SHANK2: variants seen among roughly 807,000 people sequenced by gnomAD.
SHANK2 encodes SH3 and multiple ankyrin repeat domains protein 2.
SHANK2 carries 43 observed loss-of-function variants against 133.7 expected under a neutral mutation model. The observed-to-expected ratio is 0.32, with a 90% confidence interval of 0.25 to 0.41. The LOEUF (loss-of-function observed/expected upper bound fraction) is 0.41, where lower values mean the gene tolerates loss of function less well. SHANK2 is among the 10% of genes least tolerant of loss of function. The probability of loss-of-function intolerance (pLI) is 1.00; values close to 1 mark genes in which losing one functional copy is unlikely to be tolerated. For missense variants in SHANK2, 1,994 were observed against 2,235.8 expected, an observed-to-expected ratio of 0.89 and a Z score of 2.18; for synonymous variants, 1,017 against 952.8, an observed-to-expected ratio of 1.07 and a Z score of -1.24.
chr11:70,622,083 G>A (rs72946910), intron 17 of SHANK2, among the ~76,000 whole-genome samples: 27,893 of 152,136 alleles, frequency 0.18, 2,765 homozygotes, highest in South Asian at 0.33. Context: ...TGGGGCAAAG[G>A]GGTGTTTGCC....
At chr11:70,742,874 GT>G (rs1361627773) in intron 14 of SHANK2, among the ~76,000 whole-genome samples, 1 of 152,106 alleles carries the variant, frequency 6.6e-6, no homozygotes, top group East Asian at 1.9e-4. Context: ...TGGAAAGAAA[GT>G]TTGCCTTGGG....
rs60469266 is a variant in SHANK2 at position 70,919,921 on chromosome 11, A to G, written c.1108-23354T>C. 3.7e-3 allele frequency among the ~76,000 whole-genome samples: 571 copies of G among 152,322 alleles called. 3 individuals carry two copies. Among genetic ancestry groups the G allele is most frequent in the African/African-American group, 0.013 (531 of 41,582 alleles). ...TGGATGTCTTTTAAATAATCAATCA[A>G]GAGCAACCAACCCAAGCTTGGTAAC... is the stretch of plus-strand genomic sequence containing the variant. On this transcript the variant is annotated intron_variant, in intron 10 of 25. Transcript: ENST00000601538.
chr11:70,604,298 T>C (rs1305456237), intron 17 of SHANK2: 3 of 152,264 alleles, frequency 2.0e-5, no homozygotes, highest in Non-Finnish European at 4.4e-5. Context: ...TGGATGCCCG[T>C]GGGGGGCTAC....
Position 70,863,568 on chromosome 11 carries a change from T to TAACC in SHANK2, c.1174+32932_1174+32933insGGTT, listed in dbSNP as rs1949298554. On this transcript the variant is annotated intron_variant, in intron 11 of 25. Coordinates refer to ENST00000601538, the MANE Select transcript of SHANK2 (RefSeq NM_012309.5). ...ACTCTGGATCCCAGTGAAGGTACAA[T>TAACC]TTAGAGTCTAAAATAACTCAGGCTG... 6.6e-6 allele frequency: 3 copies of TAACC among 457,520 alleles called. No individual in the cohort carries two copies. In the Middle Eastern group the frequency reaches 9.7e-4, roughly 148 times the overall value. The allele number at this position is 457,520 out of a possible 1,614,324, so 28.3% of individuals were successfully genotyped here.
intron 11 of SHANK2, chr11:70,863,425 GC>G (rs1555068267): frequency 2.2e-6 from 1 of 457,924 alleles, no homozygotes; most frequent in East Asian, 7.0e-5. Context: ...TCTGCTCGGT[GC>G]CCTGGGACGC....
intron 2 of SHANK2, among the ~76,000 whole-genome samples, chr11:71,168,728 G>A (rs1408259093): frequency 1.3e-5 from 2 of 152,158 alleles, no homozygotes; most frequent in African/African-American, 4.8e-5. Flanking sequence ...AGCAGGCTGA[G>A]GCAGGAGAAT....
chr11:70,896,706 C>T (rs990982634), intron 10 of SHANK2, 139 bp from the exon 11 acceptor site: 16 of 610,234 alleles, frequency 2.6e-5, no homozygotes, highest in African/African-American at 2.0e-4. Flanking sequence ...TATCAACACT[C>T]ATCCACTCAC....
At chr11:71,109,737 A>G (rs1951862718) in intron 6 of SHANK2, among the ~76,000 whole-genome samples, 1 of 152,274 alleles carries the variant, frequency 6.6e-6, no homozygotes, top group Non-Finnish European at 1.5e-5. Flanking sequence ...GGCCCCACGC[A>G]AGATGCTGGG....
intron 14 of SHANK2, among the ~76,000 whole-genome samples, chr11:70,771,650 G>A (rs12800465): frequency 3.9e-5 from 6 of 152,248 alleles, no homozygotes; most frequent in African/African-American, 1.2e-4. Context: ...GGGGCGTGGA[G>A]CCGCGCTGGG....
intron 14 of SHANK2, among the ~76,000 whole-genome samples, chr11:70,718,951 T>G (rs564816711): frequency 1.2e-4 from 18 of 152,270 alleles, no homozygotes; most frequent in Non-Finnish European, 2.4e-4. Context: ...ATTTGTCAGC[T>G]GGGGATAATC....
chr11:70,599,661 G>T (rs1429740272), intron 17 of SHANK2, among the ~76,000 whole-genome samples: 3 of 147,290 alleles, frequency 2.0e-5, no homozygotes, highest in East Asian at 2.0e-4. Flanking sequence ...GTGTGGTGGC[G>T]GGCACCTGTA....
At chr11:70,932,097 G>T (rs1263165398) in intron 10 of SHANK2, among the ~76,000 whole-genome samples, 1 of 152,140 alleles carries the variant, frequency 6.6e-6, no homozygotes, top group Non-Finnish European at 1.5e-5. Flanking sequence ...TCTTTTTCAA[G>T]CTGAAACTGT....
chr11:71,137,099 G>T (rs1207086052), intron 3 of SHANK2, among the ~76,000 whole-genome samples: 1 of 152,042 alleles, frequency 6.6e-6, no homozygotes, highest in Non-Finnish European at 1.5e-5. Context: ...CTGACCTCAG[G>T]TGATCCACCC....
chr11:70,517,685 A>C (rs1326660534), intron 17 of SHANK2, among the ~76,000 whole-genome samples: 1 of 152,250 alleles, frequency 6.6e-6, no homozygotes, highest in Non-Finnish European at 1.5e-5. Flanking sequence ...TAAAAAGATC[A>C]GTGGTTGCCA....
intron 10 of SHANK2, among the ~76,000 whole-genome samples, chr11:70,917,701 G>C (rs1420870122): frequency 6.6e-6 from 1 of 152,208 alleles, no homozygotes; most frequent in African/African-American, 2.4e-5. Context: ...CATGTCCTTT[G>C]CAGGGGCATG....
intron 17 of SHANK2, among the ~76,000 whole-genome samples, chr11:70,530,885 T>C (rs950355775): frequency 2.6e-5 from 4 of 151,956 alleles, no homozygotes; most frequent in Non-Finnish European, 5.9e-5. Context: ...TGAGATTTTG[T>C]CCGGGCTTGG....
At chr11:71,169,003 G>A (rs1317433258) in intron 2 of SHANK2, among the ~76,000 whole-genome samples, 1 of 152,220 alleles carries the variant, frequency 6.6e-6, no homozygotes, top group East Asian at 1.9e-4. Context: ...TATTCGGTTG[G>A]TGCAAAAGTA....
At chr11:70,776,116 T>C (rs1947360686) in intron 14 of SHANK2, among the ~76,000 whole-genome samples, 1 of 152,208 alleles carries the variant, frequency 6.6e-6, no homozygotes, top group African/African-American at 2.4e-5. Context: ...CTCACTAGGT[T>C]CCCATCTGAC....
At chr11:71,165,405 C>T (rs1318222107) in intron 2 of SHANK2, among the ~76,000 whole-genome samples, 1 of 152,154 alleles carries the variant, frequency 6.6e-6, no homozygotes. Context: ...AACCTCATGG[C>T]GAGAGAATCT....
Sources: gnomAD v4.1 joint callset for allele counts (sites outside exome capture counted in the v4.1 genomes callset) on GRCh38, gnomAD v4.1.1 for gene constraint, MANE v1.5 for transcripts, NCBI Gene and HGNC (gene_info 2026-07-23, HGNC 2026-07-21) for gene names.